The following ZNF821 variants were observed in gnomAD, a reference collection of about 807,000 sequenced individuals.
The protein encoded by ZNF821 is zinc finger protein 821.
Under a neutral mutation model 44.3 loss-of-function variants are expected in ZNF821, and 16 were observed. That is an observed-to-expected ratio of 0.36 (90% CI 0.24 to 0.55). The LOEUF (loss-of-function observed/expected upper bound fraction) is 0.55, where lower values mean the gene tolerates loss of function less well. Ranked by LOEUF, ZNF821 falls within the 20% of genes least tolerant of loss-of-function variation. The pLI is 0.86. For missense variants in ZNF821, 436 were observed against 547.6 expected (o/e 0.80, Z 2.03); for synonymous variants, 204 against 197.6 (o/e 1.03, Z -0.27).
upstream of ZNF821, among the ~76,000 whole-genome samples, chr16:71,888,838 A>G (rs940973380): frequency 2.0e-5 from 3 of 152,362 alleles, no homozygotes; most frequent in African/African-American, 4.8e-5. Flanking sequence ...GATCTTATAT[A>G]TGAACCCAAA....
chr16:71,865,222 A>T (rs1045225850), intron 4 of ZNF821, among the ~76,000 whole-genome samples, 174 bp from the exon 5 acceptor site: 5 of 152,234 alleles, frequency 3.3e-5, no homozygotes, highest in Non-Finnish European at 5.9e-5. Context: ...TATAGCTGTC[A>T]TTTGTTATGC....
intron 1 of ZNF821, chr16:71,890,741 C>T (rs1001183592): frequency 1.4e-5 from 2 of 141,932 alleles, no homozygotes. Context: ...CACTGTCACA[C>T]ATTCATGCTC....
At chr16:71,865,307 AAAT>A (rs1376372974) in intron 4 of ZNF821, among the ~76,000 whole-genome samples, 1 of 152,144 alleles carries the variant, frequency 6.6e-6, no homozygotes, top group Non-Finnish European at 1.5e-5. Flanking sequence ...ATGATTATAA[AAAT>A]AATCTTTCTG....
chr16:71,860,320 C>CT lies in ZNF821; in HGVS notation c.936dup (p.Asp313ArgfsTer22). ...TGCAGCCGGCGTGCCCGCTGCTCGT[C>CT]TGTCTCCTGCATGCGCTGCAAGCGC... On this transcript the variant is annotated frameshift_variant, in exon 8 of 8. Transcript: ENST00000425432. LOFTEE classifies it high-confidence loss of function. This position sits in a 1 kb window ranked among gnomAD's most constrained non-coding sequence, Gnocchi z 7.3. 2 of 1,612,516 alleles carry CT rather than the reference C, an allele frequency of 1.2e-6. No individual in the cohort carries two copies. Among genetic ancestry groups the CT allele is most frequent in the Non-Finnish European group, 1.7e-6 (2 of 1,179,984 alleles).
At chr16:71,875,578 C>CAAGTA (rs1459622142) in intron 3 of ZNF821, among the ~76,000 whole-genome samples, 1 of 151,978 alleles carries the variant, frequency 6.6e-6, no homozygotes, top group African/African-American at 2.4e-5. Context: ...CTCAGTCTCC[C>CAAGTA]GAGTAGCTGG....
chr16:71,892,178 CAAAAAAAAAAAA>C (rs560376648), intron 1 of ZNF821, among the ~76,000 whole-genome samples: 5,891 of 31,688 alleles, frequency 0.19, 187 homozygotes, highest in Non-Finnish European at 0.28. Context: ...AACTCCGTCT[CAAAAAAAAAAAA>C]AAAAAAAAAA....
At chr16:71,865,839 C>G (rs1486980392) in intron 4 of ZNF821, among the ~76,000 whole-genome samples, 1 of 152,152 alleles carries the variant, frequency 6.6e-6, no homozygotes, top group African/African-American at 2.4e-5. Flanking sequence ...TTTCTTGTGA[C>G]TAACATAGGA....
At chr16:71,889,914 C>T (rs952206023) in intron 1 of ZNF821, among the ~76,000 whole-genome samples, 1 of 152,106 alleles carries the variant, frequency 6.6e-6, no homozygotes, top group Non-Finnish European at 1.5e-5. Context: ...CATGATTGCA[C>T]CACTGCACTT....
At chr16:71,870,369 C>A (rs11647967) in intron 3 of ZNF821, among the ~76,000 whole-genome samples, 5,458 of 130,852 alleles carry the variant, frequency 0.042, 136 homozygotes, top group East Asian at 0.057. Context: ...GTAGAGAAAA[C>A]AAAAAAAAAA....
At chr16:71,889,327 G>C (rs2036873932), upstream of ZNF821, among the ~76,000 whole-genome samples, 1 of 152,124 alleles carries the variant, frequency 6.6e-6, no homozygotes. Flanking sequence ...TATAGCTGTT[G>C]ACCTTAGATT....
chr16:71,863,029 G>C (rs976945403), intron 6 of ZNF821, among the ~76,000 whole-genome samples: 4 of 152,232 alleles, frequency 2.6e-5, no homozygotes, highest in South Asian at 2.1e-4. Flanking sequence ...GAGTAGCTGG[G>C]ATTATAGGCG....
chr16:71,877,924 A>G (rs2036000737), intron 3 of ZNF821, among the ~76,000 whole-genome samples: 1 of 148,234 alleles, frequency 6.7e-6, no homozygotes, highest in Non-Finnish European at 1.5e-5. Context: ...CATCTCAAAA[A>G]AAAATTATAT....
chr16:71,876,457 G>C (rs1449058644), intron 3 of ZNF821, among the ~76,000 whole-genome samples: 3 of 151,970 alleles, frequency 2.0e-5, no homozygotes, highest in Non-Finnish European at 4.4e-5. Context: ...CTCCTGCCTC[G>C]GCCTCCCAAA....
chr16:71,892,387 C>T (rs1472700672), intron 1 of ZNF821, among the ~76,000 whole-genome samples: 2 of 149,530 alleles, frequency 1.3e-5, no homozygotes, highest in African/African-American at 4.9e-5. Context: ...CTGCCTCAGC[C>T]TCCCCAGTAG....
intron 6 of ZNF821, among the ~76,000 whole-genome samples, chr16:71,863,724 G>A (rs1454859024): frequency 1.3e-5 from 2 of 151,620 alleles, no homozygotes; most frequent in East Asian, 1.9e-4. Context: ...TTGAGACAGA[G>A]TCTAACTCTG....
chr16:71,894,291 G>A (rs2036921419), intron 1 of ZNF821: 1 of 149,040 alleles, frequency 6.7e-6, no homozygotes, highest in Non-Finnish European at 1.5e-5. Flanking sequence ...GAGACGTTTC[G>A]CTCTTGTTGC....
In ZNF821 at chr16:71,861,701, C is replaced by T. The variant is rs146188872; in HGVS notation, c.584+75G>A. ...CTTTGCATTACCTATTTCTAGCCTT[C>T]GCTTTGACTTCAGAAAGCAGAACTC... On this transcript the variant is annotated intron_variant, in intron 7 of 7. Transcript: ENST00000425432. The T allele has an allele frequency of 6.4e-3, 10,069 of 1,578,918 alleles. 47 individuals are homozygous for T. The highest frequency in any genetic ancestry group is 6.7e-3 in the Non-Finnish European group (7,673 of 1,153,502).
intron 3 of ZNF821, among the ~76,000 whole-genome samples, chr16:71,873,064 G>A (rs535869205): frequency 3.4e-4 from 52 of 152,378 alleles, no homozygotes; most frequent in African/African-American, 1.1e-3. Context: ...GCTCATGCCT[G>A]TAATCCCAGT....
At chr16:71,894,860 T>G (rs1330129103) in intron 1 of ZNF821, 1 of 1,530,928 alleles carries the variant, frequency 6.5e-7, no homozygotes. Context: ...AAAACAAAGG[T>G]AACCAAGGAA....
Sources: gnomAD v4.1 joint callset for allele counts (sites outside exome capture counted in the v4.1 genomes callset) on GRCh38, gnomAD v4.1.1 for gene constraint, Gnocchi (gnomAD v3.1) non-coding constraint, MANE v1.5 for transcripts, NCBI Gene and HGNC (gene_info 2026-07-23, HGNC 2026-07-21) for gene names.